FAM3D: variants seen among roughly 807,000 people sequenced by gnomAD.
FAM3D encodes the protein protein FAM3D.
Under a neutral mutation model 29.8 loss-of-function variants are expected in FAM3D, and 26 were observed. The observed-to-expected ratio is 0.87, with a 90% CI of 0.64 to 1.21. FAM3D has a LOEUF of 1.21. Ranked by LOEUF, FAM3D falls within the 50% of genes most tolerant of loss-of-function variation. The pLI, the probability that FAM3D is intolerant of heterozygous loss-of-function variation, is 0.00. For synonymous variants in FAM3D, 115 were observed against 102.3 expected (o/e 1.12, Z -0.75); for missense variants, 253 against 290.9 (o/e 0.87, Z 0.95).
chr3:58,652,503 T>C (rs901947803), intron 3 of FAM3D, among the ~76,000 whole-genome samples: 2 of 148,660 alleles, frequency 1.3e-5, no homozygotes, highest in Admixed American at 6.7e-5. Context: ...CTTCCCTCCA[T>C]CTACCCATCT....
chr3:58,637,158 G>A lies in FAM3D; in HGVS notation c.441C>T (p.Tyr147=), dbSNP rs369499150. ...PGGALVLVAS[Y]DDPGTKMNDE... ...CTACTTACTTGGTCCCTGGATCGTCGTAGGAGGCCACCAGCACCAGTGCAC... is the reference window on the plus strand; with the variant it reads ...CTACTTACTTGGTCCCTGGATCGTCATAGGAGGCCACCAGCACCAGTGCAC... The change falls in exon 8 of 10, where the codon TAC becomes TAT. Residue 147 remains tyrosine (Y), a synonymous_variant. Transcript: ENST00000358781. The A allele has an allele frequency of 9.3e-6, 15 of 1,613,926 alleles. No individual in the cohort carries two copies. Among genetic ancestry groups the A allele is most frequent in the East Asian group, 2.2e-5 (1 of 44,882 alleles).
chr3:58,640,934 C>A (rs1221369652), intron 6 of FAM3D, among the ~76,000 whole-genome samples: 1 of 152,134 alleles, frequency 6.6e-6, no homozygotes, highest in Non-Finnish European at 1.5e-5. Context: ...AGCCACGTAG[C>A]GTGAACGGAA....
intron 7 of FAM3D, among the ~76,000 whole-genome samples, chr3:58,638,159 C>T (rs1392026181): frequency 6.6e-6 from 1 of 152,224 alleles, no homozygotes; most frequent in Non-Finnish European, 1.5e-5. Flanking sequence ...GCTGGGATTA[C>T]AGGCATAAGC....
At chr3:58,659,193 A>T (rs1359268517) in intron 1 of FAM3D, among the ~76,000 whole-genome samples, 1 of 152,158 alleles carries the variant, frequency 6.6e-6, no homozygotes, top group Non-Finnish European at 1.5e-5. Context: ...GGGTCCACTC[A>T]TCTCTTCCCT....
At chr3:58,653,330 C>G (rs2066700917) in intron 3 of FAM3D, among the ~76,000 whole-genome samples, 1 of 152,160 alleles carries the variant, frequency 6.6e-6, no homozygotes, top group South Asian at 2.1e-4. Flanking sequence ...TGAAGACGCT[C>G]AATATATGAT....
intron 1 of FAM3D, among the ~76,000 whole-genome samples, chr3:58,665,959 C>T (rs184928734): frequency 6.6e-6 from 1 of 152,270 alleles, no homozygotes; most frequent in Admixed American, 6.5e-5. Flanking sequence ...GAAACTGAGT[C>T]TTAGTGAAAG....
intron 3 of FAM3D, among the ~76,000 whole-genome samples, chr3:58,650,947 G>A (rs1048018080): frequency 1.3e-5 from 2 of 151,960 alleles, no homozygotes; most frequent in East Asian, 3.9e-4. Flanking sequence ...TCCATCTCCT[G>A]ACCTCGTGAT....
At chr3:58,646,989 C>G (rs554285387) in intron 4 of FAM3D, among the ~76,000 whole-genome samples, 2 of 152,198 alleles carry the variant, frequency 1.3e-5, no homozygotes, top group Admixed American at 1.3e-4. Context: ...TCTGGAGGGG[C>G]ACAACCCACT....
intron 1 of FAM3D, chr3:58,657,396 A>AGAGG (rs2066836834): frequency 6.6e-6 from 1 of 152,074 alleles, no homozygotes; most frequent in Non-Finnish European, 1.5e-5. Context: ...AGAGAGAGAG[A>AGAGG]GAGAGAGAAT....
Position 58,653,712 on chromosome 3 carries a change from C to T in FAM3D, c.83G>A (p.Ser28Asn), listed in dbSNP as rs1330129789. ...CAGACGGATGGTTTTCATGCTGAAG[C>T]TCATGTAGCTTCGAATAAACATCCA... Reference protein sequence around the residue: ...TTWMFIRSYMSFSMKTIRLPR... With the variant: ...TTWMFIRSYMNFSMKTIRLPR... The change falls in exon 3 of 10, where the codon AGC becomes AAC. Residue 28 changes from serine (S) to asparagine (N), a missense_variant. Ser to Asn is a conservative substitution (Grantham distance 46). Coordinates refer to ENST00000358781, the MANE Select transcript of FAM3D (RefSeq NM_138805.3). The T allele has an allele frequency of 5.0e-6, 8 of 1,613,932 alleles. No individual in the cohort carries two copies. Among genetic ancestry groups the T allele is most frequent in the African/African-American group, 1.3e-5 (1 of 74,942 alleles).
Position 58,634,189 on chromosome 3 carries a change from G to C in FAM3D, c.*90C>G. 8.3e-7 allele frequency: 1 copy of C among 1,199,372 alleles called. No homozygotes were observed. Among genetic ancestry groups the C allele is most frequent in the Non-Finnish European group, 1.2e-6 (1 of 836,804 alleles). The allele number at this position is 1,199,372 out of a possible 1,614,324, so 74.3% of individuals were successfully genotyped here. A position where few individuals can be genotyped will look rare whatever the true frequency, so the allele number is the denominator to read the frequency against. ...CAGCACCTTCCACGCAGCACCCCCTGCTCCTCCTCCTCAGCCCCTGCCGGG... is the reference window on the plus strand; with the variant it reads ...CAGCACCTTCCACGCAGCACCCCCTCCTCCTCCTCCTCAGCCCCTGCCGGG... On this transcript the variant is annotated 3_prime_UTR_variant, in exon 10 of 10. Coordinates refer to ENST00000358781, the MANE Select transcript of FAM3D (RefSeq NM_138805.3). This position sits in a 1 kb window ranked among gnomAD's most constrained non-coding sequence, Gnocchi z 4.6.
At chr3:58,644,538 G>A (rs1456733673) in intron 5 of FAM3D, among the ~76,000 whole-genome samples, 66 of 152,132 alleles carry the variant, frequency 4.3e-4, no homozygotes, top group Non-Finnish European at 4.4e-5. Flanking sequence ...CTTTTTCCTG[G>A]ATAAATTACC....
intron 3 of FAM3D, among the ~76,000 whole-genome samples, chr3:58,652,585 A>G (rs554162615): frequency 6.6e-6 from 1 of 150,594 alleles, no homozygotes; most frequent in Admixed American, 6.6e-5. Flanking sequence ...CCTTCCCTCC[A>G]TCTACCCATC....
At chr3:58,646,635 CG>C (rs2066490079) in intron 4 of FAM3D, among the ~76,000 whole-genome samples, 2 of 152,306 alleles carry the variant, frequency 1.3e-5, no homozygotes, top group South Asian at 4.1e-4. Flanking sequence ...AAAGGGAAAA[CG>C]GGGGTTGGGC....
In FAM3D at chr3:58,634,460, G is replaced by C; in HGVS notation, c.586-92C>G. 8.7e-7 allele frequency: 1 copy of C among 1,146,664 alleles called. No individual in the cohort carries two copies. The highest frequency in any genetic ancestry group is 2.0e-5 in the Admixed American group (1 of 50,692). The allele number at this position is 1,146,664 out of a possible 1,614,324, so 71.0% of individuals were successfully genotyped here. A position where few individuals can be genotyped will look rare whatever the true frequency, so the allele number is the denominator to read the frequency against. Reference sequence around the variant, plus strand: ...GACACTGTGCTCTAAACCTAAATGGGGGTGTGGGATGTTATTAACCCACTT... The same window carrying C: ...GACACTGTGCTCTAAACCTAAATGGCGGTGTGGGATGTTATTAACCCACTT... On this transcript the variant is annotated intron_variant, in intron 9 of 9. Transcript: ENST00000358781. This position sits in a 1 kb window ranked among gnomAD's most constrained non-coding sequence, Gnocchi z 4.6.
rs189459001 is a variant in FAM3D at position 58,635,601 on chromosome 3, G to A, written c.585+693C>T. On this transcript the variant is annotated intron_variant, in intron 9 of 9. Coordinates refer to ENST00000358781, the MANE Select transcript of FAM3D (RefSeq NM_138805.3). This position sits in a 1 kb window ranked among gnomAD's most constrained non-coding sequence, Gnocchi z 5.2. ...TCTTGCCTCTTGCTAGGGCCCTGCT[G>A]CAGCACCCCCACAGGACATTCGGGA... 2.0e-5 allele frequency among the ~76,000 whole-genome samples: 3 copies of A among 152,320 alleles called. No individual in the cohort carries two copies. In the East Asian group the frequency reaches 5.8e-4, roughly 29 times the overall value.
rs1002170673 is a variant in FAM3D, at chr3:58,636,306, G to T, written c.573C>A (p.Ser191Arg). 4 of 1,614,064 alleles carry T rather than the reference G, an allele frequency of 2.5e-6. No individual in the cohort carries two copies. The highest frequency in any genetic ancestry group is 2.5e-6 in the Non-Finnish European group (3 of 1,180,018). Residue 191 changes from serine (S) to arginine (R), a missense_variant, in exon 9 of 10, where the codon AGC becomes AGA. By Grantham distance (110) the Ser-to-Arg change is moderately radical (BLOSUM62 -1). Coordinates refer to ENST00000358781, the MANE Select transcript of FAM3D (RefSeq NM_138805.3). The stretch of plus-strand genomic sequence containing the variant: ...GCCCAGAACCCACCTGCTCAAAGGG[G>T]CTTTTACCCCTGAGGTCTTTGGCTC... ...FIGAKDLRGK[S>R]PFEQFLKNSP...
At position 58,634,336 on chromosome 3, in the gene FAM3D, G is replaced by A. The variant is rs769907329; in HGVS notation, c.618C>T (p.Tyr206=). The A allele has an allele frequency of 2.8e-5, 45 of 1,613,860 alleles. No individual in the cohort carries two copies. In the Admixed American group the frequency reaches 3.2e-4, roughly 11 times the overall value. The change falls in exon 10 of 10, where the codon TAC becomes TAT. Residue 206 remains tyrosine (Y), a synonymous_variant. Coordinates refer to ENST00000358781, the MANE Select transcript of FAM3D (RefSeq NM_138805.3). This position sits in a 1 kb window ranked among gnomAD's most constrained non-coding sequence, Gnocchi z 4.6. ...FLKNSPDTNK[Y]EGWPELLEME... ...TCTCCAGCAGCTCTGGCCATCCCTC[G>A]TATTTGTTTGTGTCTGGGCTGTTCT... is the stretch of plus-strand genomic sequence containing the variant.
intron 3 of FAM3D, among the ~76,000 whole-genome samples, chr3:58,651,839 G>C (rs2066645331): frequency 6.7e-6 from 1 of 149,606 alleles, no homozygotes; most frequent in Non-Finnish European, 1.5e-5. Context: ...GGGGTGGGGG[G>C]CGCGGGGGTG....
Sources: allele counts gnomAD v4.1 joint callset (sites outside exome capture counted in the v4.1 genomes callset), GRCh38; gene constraint gnomAD v4.1.1; non-coding constraint Gnocchi (gnomAD v3.1); transcripts MANE v1.5; gene names NCBI Gene and HGNC (gene_info 2026-07-23, HGNC 2026-07-21).